NEMP2: variants seen among roughly 807,000 people sequenced by gnomAD.
The protein encoded by NEMP2 is nuclear envelope integral membrane protein 2, also known as UPF0571 transmembrane protein.
A neutral mutation model predicts 54.2 loss-of-function variants in NEMP2; 53 were observed. That is an observed-to-expected ratio of 0.98 (90% CI 0.78 to 1.23). The LOEUF is 1.23. NEMP2 is among the 50% of genes most tolerant of loss of function. NEMP2 has a pLI of 0.00. For synonymous variants in NEMP2, 197 were observed against 190.3 expected (o/e 1.04, Z -0.29); for missense variants, 455 against 511.3 (o/e 0.89, Z 1.06).
chr2:190,460,900 T>C, the NEMP2 span, among the ~76,000 whole-genome samples: 1 of 152,232 alleles, frequency 6.6e-6, no homozygotes, highest in Non-Finnish European at 1.5e-5. Context: ...GCAATTTTGA[T>C]GCAGATGTTC....
the NEMP2 span, among the ~76,000 whole-genome samples, chr2:190,459,479 T>G: frequency 9.9e-5 from 15 of 152,264 alleles, no homozygotes; most frequent in Middle Eastern, 3.4e-3. The surrounding 1 kb of genome is among the most constrained non-coding windows in gnomAD (Gnocchi z 5.3). Context: ...TTGTAGGGGG[T>G]GTGTGTGTGA....
chr2:190,534,421 C>A, intron 1 of NEMP2, 138 bp downstream of exon 1: 1 of 1,225,640 alleles, frequency 8.2e-7, no homozygotes, highest in Non-Finnish European at 1.0e-6. Context: ...GCCCGGGAGA[C>A]CCCAAAGCGA....
rs560692994 is a variant in NEMP2, at chr2:190,528,831, C to T, written c.98-3453G>A. Among the ~76,000 whole-genome samples, 2 of 152,266 alleles carry T rather than the reference C, an allele frequency of 1.3e-5. No homozygotes were observed. The highest frequency in any genetic ancestry group is 1.3e-4 in the Admixed American group (2 of 15,304). On this transcript the variant is annotated intron_variant, in intron 1 of 8. Transcript: ENST00000409150. The surrounding 1 kb of genome is among the most constrained non-coding windows in gnomAD (Gnocchi z 4.3). ...CTCCTAAATCATTCCAAACCTGGAGCTCTTAAGAGCAAGATGATGCAATTT... is the reference window on the plus strand; with the variant it reads ...CTCCTAAATCATTCCAAACCTGGAGTTCTTAAGAGCAAGATGATGCAATTT...
the NEMP2 span, among the ~76,000 whole-genome samples, chr2:190,467,061 A>C: frequency 1.3e-5 from 2 of 152,226 alleles, no homozygotes; most frequent in East Asian, 3.8e-4. This position sits in a 1 kb window ranked among gnomAD's most constrained non-coding sequence, Gnocchi z 5.5. Context: ...TGGGCTCAAA[A>C]GACAGCTTCA....
the NEMP2 span, among the ~76,000 whole-genome samples, chr2:190,557,847 A>G: frequency 6.6e-6 from 1 of 152,212 alleles, no homozygotes; most frequent in Non-Finnish European, 1.5e-5. Context: ...GGATGTGGAG[A>G]AATAGGAACG....
At chr2:190,462,521 A>G in the NEMP2 span, among the ~76,000 whole-genome samples, 1 of 152,226 alleles carries the variant, frequency 6.6e-6, no homozygotes, top group Non-Finnish European at 1.5e-5. This position sits in a 1 kb window ranked among gnomAD's most constrained non-coding sequence, Gnocchi z 5.7. Flanking sequence ...GTGCCTGAGC[A>G]AGGCAGGCTC....
the NEMP2 span, among the ~76,000 whole-genome samples, chr2:190,604,227 A>G: frequency 8.5e-5 from 13 of 152,304 alleles, no homozygotes; most frequent in South Asian, 1.2e-3. The surrounding 1 kb of genome is among the most constrained non-coding windows in gnomAD (Gnocchi z 4.5). Flanking sequence ...CTGAAAACCA[A>G]CCCGAACAGT....
At position 190,530,246 on chromosome 2, in the gene NEMP2, C is replaced by T. The variant is rs528025267; in HGVS notation, c.97+4313G>A. On this transcript the variant is annotated intron_variant, in intron 1 of 8. Coordinates refer to ENST00000409150, the MANE Select transcript of NEMP2 (RefSeq NM_001142645.2). The surrounding 1 kb of genome is among the most constrained non-coding windows in gnomAD (Gnocchi z 4.6). ...AAAAGCATGTTGCAGTGTTTTCCCTCGAATTCTCCAGAGTGGCCTCTGGCT... is the reference window on the plus strand; with the variant it reads ...AAAAGCATGTTGCAGTGTTTTCCCTTGAATTCTCCAGAGTGGCCTCTGGCT... 1.3e-5 allele frequency among the ~76,000 whole-genome samples: 2 copies of T among 152,272 alleles called. No individual in the cohort carries two copies. The highest frequency in any genetic ancestry group is 2.1e-4 in the South Asian group (1 of 4,818).
chr2:190,481,090 G>A, the NEMP2 span, among the ~76,000 whole-genome samples: 2 of 152,156 alleles, frequency 1.3e-5, no homozygotes, highest in African/African-American at 4.8e-5. Flanking sequence ...TGATAGAAAA[G>A]CAGTTCTCAT....
downstream of NEMP2, among the ~76,000 whole-genome samples, chr2:190,499,538 TA>T (rs1689912975): frequency 6.6e-6 from 1 of 152,242 alleles, no homozygotes; most frequent in Non-Finnish European, 1.5e-5. The surrounding 1 kb of genome is among the most constrained non-coding windows in gnomAD (Gnocchi z 6.0). Context: ...TCAGGACTCT[TA>T]ATTACAGGAC....
the NEMP2 span, among the ~76,000 whole-genome samples, chr2:190,496,122 C>T: frequency 1.5e-4 from 23 of 151,286 alleles, no homozygotes; most frequent in East Asian, 4.1e-3. This position sits in a 1 kb window ranked among gnomAD's most constrained non-coding sequence, Gnocchi z 4.7. Flanking sequence ...GAATCTATGA[C>T]GAACTCAAAC....
At position 190,509,907 on chromosome 2, in the gene NEMP2, G is replaced by A. The variant is rs1470981808; in HGVS notation, c.1130+454C>T. On this transcript the variant is annotated intron_variant, in intron 8 of 8. Transcript: ENST00000409150. The surrounding 1 kb of genome is among the most constrained non-coding windows in gnomAD (Gnocchi z 6.1). ...ACAAAAATTAGCCGGGCATGGTGGCGCCCGCGCCTTGTAATCCCAGCTACT... is the reference window on the plus strand; with the variant it reads ...ACAAAAATTAGCCGGGCATGGTGGCACCCGCGCCTTGTAATCCCAGCTACT... 1.3e-5 allele frequency among the ~76,000 whole-genome samples: 2 copies of A among 152,198 alleles called. No individual in the cohort carries two copies. The highest frequency in any genetic ancestry group is 6.5e-5 in the Admixed American group (1 of 15,288).
At chr2:190,486,065 G>A in the NEMP2 span, among the ~76,000 whole-genome samples, 1 of 152,202 alleles carries the variant, frequency 6.6e-6, no homozygotes, top group Non-Finnish European at 1.5e-5. Context: ...CTGGGTCACA[G>A]CTAAGTTACT....
chr2:190,574,355 G>GA, the NEMP2 span, among the ~76,000 whole-genome samples: 2,803 of 148,016 alleles, frequency 0.019, 79 homozygotes, highest in African/African-American at 0.058. Context: ...CTTATGAATG[G>GA]AAAAAAAAAA....
the NEMP2 span, among the ~76,000 whole-genome samples, chr2:190,434,287 C>T: frequency 2.3e-3 from 355 of 152,050 alleles, 1 homozygote; most frequent in Middle Eastern, 0.01. The surrounding 1 kb of genome is among the most constrained non-coding windows in gnomAD (Gnocchi z 4.3). Context: ...CAACATAATT[C>T]TTGATGCACA....
the NEMP2 span, among the ~76,000 whole-genome samples, chr2:190,424,508 T>C: frequency 2.0e-5 from 3 of 152,082 alleles, no homozygotes; most frequent in South Asian, 6.2e-4. The surrounding 1 kb of genome is among the most constrained non-coding windows in gnomAD (Gnocchi z 5.9). Context: ...GCTAATTTTG[T>C]ATTTTTAGTA....
In NEMP2 at chr2:190,519,459, T is replaced by A. The variant is rs1690679898; in HGVS notation, c.214-276A>T. The stretch of plus-strand genomic sequence containing the variant: ...TGGTCTCGAACTCCTGGGCTCAAGC[T>A]GTTTGCCTGCTTCAGCCTCCCAAAG... On this transcript the variant is annotated intron_variant, in intron 2 of 8. Coordinates refer to ENST00000409150, the MANE Select transcript of NEMP2 (RefSeq NM_001142645.2). The surrounding 1 kb of genome is among the most constrained non-coding windows in gnomAD (Gnocchi z 5.4). Among the ~76,000 whole-genome samples the A allele has an allele frequency of 6.6e-6, 1 of 152,152 alleles. No homozygotes were observed. Among genetic ancestry groups the A allele is most frequent in the South Asian group, 2.1e-4 (1 of 4,824 alleles).
rs1403807121 is a variant in NEMP2 at position 190,518,798 on chromosome 2, G to T, written c.456C>A (p.Phe152Leu). 6.5e-7 allele frequency: 1 copy of T among 1,546,592 alleles called. No homozygotes were observed. Among genetic ancestry groups the T allele is most frequent in the Non-Finnish European group, 8.7e-7 (1 of 1,145,972 alleles). Reference sequence around the variant, plus strand: ...CTGCCACAAACACAAGGAAGAGTTTGAAATCCATGACTGGAGTAAAAAAGA... The same window carrying T: ...CTGCCACAAACACAAGGAAGAGTTTTAAATCCATGACTGGAGTAAAAAAGA... ...MIHVNRNIMD[F>L]KLFLVFVAGV... The change falls in exon 4 of 9, where the codon TTC becomes TTA. Residue 152 changes from phenylalanine (F) to leucine (L), a missense_variant. Around this residue, in one of 3 missense-constraint regions of NEMP2, gnomAD observed 294 missense variants for 333.6 expected, o/e 0.88. Coordinates refer to ENST00000409150, the MANE Select transcript of NEMP2 (RefSeq NM_001142645.2).
chr2:190,540,524 C>G, the NEMP2 span, among the ~76,000 whole-genome samples: 1 of 152,164 alleles, frequency 6.6e-6, no homozygotes, highest in Non-Finnish European at 1.5e-5. Flanking sequence ...CTCCTGTGCT[C>G]AAGCAATCCT....
Sources: gnomAD v4.1 joint callset for allele counts (sites outside exome capture counted in the v4.1 genomes callset) on GRCh38, gnomAD v4.1.1 for gene constraint, gnomAD v4.1.1 regional missense constraint, Gnocchi (gnomAD v3.1) non-coding constraint, MANE v1.5 for transcripts, NCBI Gene and HGNC (gene_info 2026-07-23, HGNC 2026-07-21) for gene names.